The following KLK9 variants were observed in gnomAD, a reference collection of about 807,000 sequenced individuals.
KLK9 encodes the protein kallikrein-9.
KLK9 carries 26 observed loss-of-function variants against 23.3 expected under a neutral mutation model. That is an observed-to-expected ratio of 1.12 (90% CI 0.82 to 1.55). The LOEUF (loss-of-function observed/expected upper bound fraction) is 1.55. KLK9 is among the 40% of genes most tolerant of loss of function. The pLI is 0.00. For missense variants in KLK9, 346 were observed against 333.7 expected, an observed-to-expected ratio of 1.04 and a Z score of -0.29; for synonymous variants, 122 against 128.5, an observed-to-expected ratio of 0.95 and a Z score of 0.34.
rs758452268 is a variant in KLK9, at chr19:51,003,249, C to G, written c.615G>C (p.Gly205=). 7.4e-6 allele frequency: 12 copies of G among 1,612,204 alleles called. No homozygotes were observed. The South Asian group carries it at 1.3e-4, about 18-fold the overall frequency. The part of the protein sequence containing the change: ...GGRGSCQGDS[G]GPLVCNGTLA... ...AGGTTCCATTGCAAACCAGGGGGCC[C>G]CCAGAGTCACCCTGTACGCGAGAGA... is the stretch of plus-strand genomic sequence containing the variant. Residue 205 remains glycine, a synonymous_variant, in exon 5 of 5, where the codon GGG becomes GGC. Transcript: ENST00000594211.
rs918074433 is a variant in KLK9 at position 51,006,983 on chromosome 19, C to T, written c.201-260G>A. 2.6e-5 allele frequency among the ~76,000 whole-genome samples: 4 copies of T among 151,892 alleles called. No homozygotes were observed. The highest frequency in any genetic ancestry group is 9.7e-5 in the African/African-American group (4 of 41,414). On this transcript the variant is annotated intron_variant, in intron 2 of 4. Transcript: ENST00000594211. This position sits in a 1 kb window ranked among gnomAD's most constrained non-coding sequence, Gnocchi z 4.1. ...TCCCCACAAAGCCCCCGCTCCTAGT[C>T]CCAGGCTGAGTGAGCCACCTTCCTC... is the stretch of plus-strand genomic sequence containing the variant.
intron 2 of KLK9, among the ~76,000 whole-genome samples, chr19:51,007,187 G>A (rs943865096): frequency 1.8e-4 from 27 of 151,884 alleles, no homozygotes; most frequent in Admixed American, 1.3e-4. Flanking sequence ...TGTATGAAAG[G>A]GGATGGGATA....
chr19:51,006,568 C>T lies in KLK9; in HGVS notation c.356G>A (p.Arg119Lys), dbSNP rs921925187. 1.2e-5 allele frequency: 20 copies of T among 1,613,170 alleles called. 2 individuals are homozygous for T. The highest frequency in any genetic ancestry group is 1.4e-5 in the Non-Finnish European group (16 of 1,179,506). ...CACAGCAGGACTCAGACGTGCCTGC[C>T]TGGGCAGGCGGATCAGCATGATGTC... is the stretch of plus-strand genomic sequence containing the variant. Reference protein sequence around the residue: ...NDDIMLIRLPRQARLSPAVQP... With the variant: ...NDDIMLIRLPKQARLSPAVQP... The change falls in exon 3 of 5, where the codon AGG becomes AAG. Residue 119 changes from arginine (R) to lysine (K), a missense_variant. Coordinates refer to ENST00000594211, the MANE Select transcript of KLK9 (RefSeq NM_012315.2). This position sits in a 1 kb window ranked among gnomAD's most constrained non-coding sequence, Gnocchi z 4.1.
chr19:51,008,160 T>C (rs1600131375), intron 2 of KLK9, among the ~76,000 whole-genome samples: 1 of 129,336 alleles, frequency 7.7e-6, no homozygotes. Flanking sequence ...GAAACCCCCG[T>C]CTCTACTAAA....
At chr19:51,005,038 G>A (rs979427061) in intron 3 of KLK9, among the ~76,000 whole-genome samples, 9 of 152,100 alleles carry the variant, frequency 5.9e-5, no homozygotes, top group African/African-American at 9.7e-5. Flanking sequence ...GCTGAAGGGG[G>A]CAGCCTCCAT....
chr19:51,009,340 C>G lies in KLK9; in HGVS notation c.44-1G>C, dbSNP rs2091267608. ...GCACGGGTGTCTGCCCAGCCATGCC[C>G]TGGGGTGGGGATGAGGGACAAAGGG... On this transcript the variant is annotated splice_acceptor_variant, in intron 1 of 4. Coordinates refer to ENST00000594211, the MANE Select transcript of KLK9 (RefSeq NM_012315.2). LOFTEE classifies it high-confidence loss of function. The surrounding 1 kb of genome is among the most constrained non-coding windows in gnomAD (Gnocchi z 4.8). 1.3e-6 allele frequency: 2 copies of G among 1,578,336 alleles called. No homozygotes were observed. Among genetic ancestry groups the G allele is most frequent in the Non-Finnish European group, 1.7e-6 (2 of 1,161,456 alleles).
chr19:51,003,972 C>A (rs1340407818), intron 3 of KLK9, 132 bp from the exon 4 acceptor site: 3 of 686,318 alleles, frequency 4.4e-6, no homozygotes, highest in Non-Finnish European at 7.5e-6. Context: ...AAGATAGAGA[C>A]AAGAGACAGT....
rs2091254753 is a variant in KLK9, at chr19:51,006,155, C to CAG, written c.466+302_466+303insCT. ...AAACAAACAAACAAACAAACAAACA[C>CAG]TCTGAAATTAGAATGTGTCTTCCAG... On this transcript the variant is annotated intron_variant, in intron 3 of 4. Coordinates refer to ENST00000594211, the MANE Select transcript of KLK9 (RefSeq NM_012315.2). This position sits in a 1 kb window ranked among gnomAD's most constrained non-coding sequence, Gnocchi z 4.1. Among the ~76,000 whole-genome samples the CAG allele has an allele frequency of 7.0e-6, 1 of 142,944 alleles. No homozygotes were observed. Among genetic ancestry groups the CAG allele is most frequent in the Admixed American group, 6.9e-5 (1 of 14,520 alleles). The allele number at this position is 142,944 out of a possible 152,430, so 93.8% of individuals were successfully genotyped here.
Position 51,006,737 on chromosome 19 carries a change from C to T in KLK9, c.201-14G>A, listed in dbSNP as rs766218423. The T allele has an allele frequency of 7.7e-6, 12 of 1,551,300 alleles. No individual in the cohort carries two copies. Among genetic ancestry groups the T allele is most frequent in the Non-Finnish European group, 1.0e-5 (12 of 1,147,604 alleles). ...ACCCACAGATACCTGCTGGGACAGG[C>T]CTCAGAGGTCAAGCTGGGGGAAAGG... is the stretch of plus-strand genomic sequence containing the variant. On this transcript the variant is annotated splice_polypyrimidine_tract_variant and intron_variant, in intron 2 of 4. Coordinates refer to ENST00000594211, the MANE Select transcript of KLK9 (RefSeq NM_012315.2). This position sits in a 1 kb window ranked among gnomAD's most constrained non-coding sequence, Gnocchi z 4.1.
intron 3 of KLK9, among the ~76,000 whole-genome samples, chr19:51,004,785 T>C (rs10420303): frequency 0.58 from 88,375 of 151,592 alleles, 28,732 homozygotes; most frequent in African/African-American, 0.89. Context: ...GAAAGAGATT[T>C]GCAGGAAGAT....
At chr19:51,003,397 C>T in intron 4 of KLK9, 137 bp from the exon 5 acceptor site, 1 of 974,696 alleles carries the variant, frequency 1.0e-6, no homozygotes, top group East Asian at 2.7e-5. Context: ...CCAGCCTCTT[C>T]TTCCTCAGAC....
intron 3 of KLK9, among the ~76,000 whole-genome samples, chr19:51,005,443 A>G (rs1568558816): frequency 2.0e-5 from 3 of 152,170 alleles, no homozygotes; most frequent in Admixed American, 6.5e-5. Flanking sequence ...TCATGGAGCA[A>G]TGCATGATGG....
chr19:51,005,002 T>C (rs565513948), intron 3 of KLK9, among the ~76,000 whole-genome samples: 1 of 152,276 alleles, frequency 6.6e-6, no homozygotes, highest in Non-Finnish European at 1.5e-5. Context: ...TTGGGTCCAT[T>C]GGAGTGAATC....
rs149311972 is a variant in KLK9 at position 51,006,808 on chromosome 19, G to T, written c.201-85C>A. The T allele has an allele frequency of 1.4e-4, 189 of 1,397,036 alleles. 1 individual carries two copies. In the African/African-American group the frequency reaches 2.5e-3, roughly 19 times the overall value. 86.5% of individuals were successfully genotyped at this position (1,397,036 alleles called of 1,614,324 possible). A position where few individuals can be genotyped will look rare whatever the true frequency, so the allele number is the denominator to read the frequency against. ...GCCCTCTTTTCCTGTCCATCAGGGT[G>T]CTGTGTGACCCTCTGCAAGCCACAC... On this transcript the variant is annotated intron_variant, in intron 2 of 4. Transcript: ENST00000594211. This position sits in a 1 kb window ranked among gnomAD's most constrained non-coding sequence, Gnocchi z 4.1.
Position 51,006,826 on chromosome 19 carries a change from A to G in KLK9, c.201-103T>C. The G allele has an allele frequency of 1.6e-6, 2 of 1,245,248 alleles. No homozygotes were observed. Among genetic ancestry groups the G allele is most frequent in the South Asian group, 3.2e-5 (2 of 63,184 alleles). 77.1% of individuals were successfully genotyped at this position (1,245,248 alleles called of 1,614,324 possible). Reference sequence around the variant, plus strand: ...TCAGGGTGCTGTGTGACCCTCTGCAAGCCACACACCCTCTCTGCACCCTCA... The same window carrying G: ...TCAGGGTGCTGTGTGACCCTCTGCAGGCCACACACCCTCTCTGCACCCTCA... On this transcript the variant is annotated intron_variant, in intron 2 of 4. Transcript: ENST00000594211. The surrounding 1 kb of genome is among the most constrained non-coding windows in gnomAD (Gnocchi z 4.1).
At chr19:51,008,914 A>G (rs932361952) in intron 2 of KLK9, among the ~76,000 whole-genome samples, 21 of 152,242 alleles carry the variant, frequency 1.4e-4, no homozygotes, top group Non-Finnish European at 2.9e-4. Context: ...AGAATTTCAT[A>G]AATTCAAGAT....
chr19:51,004,114 C>A (rs114618106), intron 3 of KLK9, among the ~76,000 whole-genome samples: 3 of 151,958 alleles, frequency 2.0e-5, no homozygotes, highest in South Asian at 2.1e-4. Flanking sequence ...CCGAGGCCGG[C>A]GGATCGCTTG....
chr19:51,005,982 G>A (rs1433363877), intron 3 of KLK9, among the ~76,000 whole-genome samples: 1 of 151,504 alleles, frequency 6.6e-6, no homozygotes, highest in Non-Finnish European at 1.5e-5. Flanking sequence ...CCCGGTGTGG[G>A]ATGTGGTGGT....
At chr19:51,007,374 A>G (rs770772617) in intron 2 of KLK9, among the ~76,000 whole-genome samples, 6 of 151,776 alleles carry the variant, frequency 4.0e-5, no homozygotes, top group Non-Finnish European at 8.8e-5. Flanking sequence ...CGGGGATGAC[A>G]AGTCCATTCC....
Sources: gnomAD v4.1 joint callset for allele counts (sites outside exome capture counted in the v4.1 genomes callset) on GRCh38, gnomAD v4.1.1 for gene constraint, Gnocchi (gnomAD v3.1) non-coding constraint, MANE v1.5 for transcripts, NCBI Gene and HGNC (gene_info 2026-07-23, HGNC 2026-07-21) for gene names.